Variants in SLC44A5 observed in about 807,000 individuals in gnomAD.
The protein encoded by SLC44A5 is solute carrier family 44 member 5.
SLC44A5 carries 57 observed loss-of-function variants against 101.8 expected under a neutral mutation model. The ratio of observed to expected loss-of-function variants is 0.56; its 90% confidence interval spans 0.45 to 0.70. The LOEUF (loss-of-function observed/expected upper bound fraction) is 0.70. Among genes scored for constraint, SLC44A5 ranks in the 30% least tolerant of loss-of-function variants. The pLI is 0.00. For synonymous variants in SLC44A5, 281 were observed against 290.9 expected (o/e 0.97, Z 0.35); for missense variants, 737 against 853.1 (o/e 0.86, Z 1.70).
At chr1:75,377,877 GAATA>G (rs1489344375) in intron 3 of SLC44A5, among the ~76,000 whole-genome samples, 1 of 41,366 alleles carries the variant, frequency 2.4e-5, no homozygotes, top group Admixed American at 2.7e-4. Context: ...CACAAATGAT[GAATA>G]AATACTAAGG....
the SLC44A5 span, among the ~76,000 whole-genome samples, chr1:75,707,575 A>T: frequency 6.6e-6 from 1 of 152,168 alleles, no homozygotes; most frequent in South Asian, 2.1e-4. Context: ...ACCTTTGAGA[A>T]GGTTTGCGTC....
intron 1 of SLC44A5, among the ~76,000 whole-genome samples, chr1:75,605,648 C>T (rs1409499043): frequency 1.3e-5 from 2 of 151,992 alleles, no homozygotes; most frequent in Non-Finnish European, 2.9e-5. Context: ...CTGTCATGGG[C>T]CCTAATGGGA....
the SLC44A5 span, among the ~76,000 whole-genome samples, chr1:75,633,112 A>G: frequency 6.6e-6 from 1 of 152,160 alleles, no homozygotes; most frequent in Non-Finnish European, 1.5e-5. Flanking sequence ...ATTACTCAAC[A>G]AATGTTTGTT....
the SLC44A5 span, among the ~76,000 whole-genome samples, chr1:75,629,601 C>A: frequency 6.6e-6 from 1 of 152,066 alleles, no homozygotes; most frequent in Non-Finnish European, 1.5e-5. Flanking sequence ...TTCACTCACA[C>A]TATAGCACAG....
intron 5 of SLC44A5, among the ~76,000 whole-genome samples, chr1:75,292,444 T>C (rs1653633525): frequency 6.6e-6 from 1 of 152,140 alleles, no homozygotes; most frequent in Admixed American, 6.5e-5. Context: ...AAGAATGAAA[T>C]ATTGCCTACA....
intron 5 of SLC44A5, among the ~76,000 whole-genome samples, chr1:75,275,429 T>C (rs984201906): frequency 1.3e-5 from 2 of 152,188 alleles, no homozygotes; most frequent in African/African-American, 4.8e-5. Flanking sequence ...AATAATATGA[T>C]GTAATACTTT....
intron 2 of SLC44A5, among the ~76,000 whole-genome samples, chr1:75,427,746 T>C (rs1007244020): frequency 2.0e-5 from 3 of 152,198 alleles, no homozygotes; most frequent in Admixed American, 2.0e-4. Context: ...AATGTCGTTG[T>C]GAGGATTAGA....
At chr1:75,557,200 A>G (rs1219578485) in intron 1 of SLC44A5, among the ~76,000 whole-genome samples, 1 of 152,118 alleles carries the variant, frequency 6.6e-6, no homozygotes, top group Non-Finnish European at 1.5e-5. Flanking sequence ...TATTAACCAT[A>G]ATGTTATACG....
intron 2 of SLC44A5, among the ~76,000 whole-genome samples, chr1:75,397,128 C>T (rs576907517): frequency 2.6e-5 from 4 of 152,304 alleles, no homozygotes; most frequent in South Asian, 2.1e-4. Context: ...AATCACACTA[C>T]GTGTGGCCTT....
At chr1:75,326,026 C>T (rs1223494937) in intron 4 of SLC44A5, among the ~76,000 whole-genome samples, 1 of 150,640 alleles carries the variant, frequency 6.6e-6, no homozygotes, top group Non-Finnish European at 1.5e-5. Context: ...CATGTCAGTG[C>T]TCAAAAAGTT....
intron 3 of SLC44A5, among the ~76,000 whole-genome samples, chr1:75,376,421 A>G (rs1168043551): frequency 2.0e-5 from 3 of 152,184 alleles, no homozygotes; most frequent in African/African-American, 7.2e-5. Context: ...TAACCTCTGC[A>G]GACTTAAATG....
intron 23 of SLC44A5, 65 bp from the exon 24 acceptor site, chr1:75,203,898 C>T (rs1305120933): frequency 6.8e-7 from 1 of 1,468,798 alleles, no homozygotes; most frequent in Admixed American, 2.6e-5. Context: ...ACACCGCCAT[C>T]TGCTGTATAC....
chr1:75,587,296 G>T (rs1307950830), intron 1 of SLC44A5, among the ~76,000 whole-genome samples: 1 of 152,136 alleles, frequency 6.6e-6, no homozygotes, highest in African/African-American at 2.4e-5. Context: ...TTAAATAAAA[G>T]CATATCAATA....
At chr1:75,268,277 G>A (rs866688606) in intron 6 of SLC44A5, among the ~76,000 whole-genome samples, 21 of 152,062 alleles carry the variant, frequency 1.4e-4, no homozygotes, top group East Asian at 1.9e-4. Context: ...TGTCTTCCTG[G>A]TCTTCACATC....
At chr1:75,620,405 C>T in the SLC44A5 span, among the ~76,000 whole-genome samples, 1 of 152,188 alleles carries the variant, frequency 6.6e-6, no homozygotes, top group African/African-American at 2.4e-5. Flanking sequence ...TGAGGAATCA[C>T]CACACTGTCT....
At chr1:75,253,793 T>C (rs1284858288) in intron 6 of SLC44A5, among the ~76,000 whole-genome samples, 1 of 152,160 alleles carries the variant, frequency 6.6e-6, no homozygotes, top group Non-Finnish European at 1.5e-5. Context: ...GATTATATTA[T>C]CCTCAAGGGT....
intron 3 of SLC44A5, among the ~76,000 whole-genome samples, chr1:75,365,264 G>A (rs569366946): frequency 1.1e-4 from 16 of 152,040 alleles, no homozygotes; most frequent in East Asian, 3.9e-4. Context: ...TTATTTCATC[G>A]GCCAGGTGTT....
At chr1:75,378,966 C>T (rs1427281234) in intron 3 of SLC44A5, among the ~76,000 whole-genome samples, 1 of 80,864 alleles carries the variant, frequency 1.2e-5, no homozygotes, top group Non-Finnish European at 2.1e-5. Context: ...ATGGCACCAC[C>T]TAGTAGACAG....
chr1:75,677,402 T>C, the SLC44A5 span, among the ~76,000 whole-genome samples: 39 of 152,188 alleles, frequency 2.6e-4, no homozygotes, highest in Admixed American at 4.6e-4. Flanking sequence ...CAGTGATAAG[T>C]TGTTATCAGT....
Sources: allele counts gnomAD v4.1 joint callset (sites outside exome capture counted in the v4.1 genomes callset), GRCh38; gene constraint gnomAD v4.1.1; transcripts MANE v1.5; gene names NCBI Gene and HGNC (gene_info 2026-07-23, HGNC 2026-07-21).